Variants in GLYATL2 observed in about 807,000 individuals in gnomAD.
The protein encoded by GLYATL2 is glycine N-acyltransferase-like protein 2.
In GLYATL2, 25 loss-of-function variants were observed where a neutral mutation model predicts 21.4. The ratio of observed to expected loss-of-function variants is 1.17; its 90% CI spans 0.85 to 1.63. GLYATL2 has a LOEUF of 1.63. GLYATL2 is among the 40% of genes most tolerant of loss of function. GLYATL2 has a pLI of 0.00. For missense variants in GLYATL2, 361 were observed against 343.3 expected, an observed-to-expected ratio of 1.05 and a Z score of -0.41; for synonymous variants, 114 against 118.2, an observed-to-expected ratio of 0.96 and a Z score of 0.23.
chr11:58,871,674 A>C (rs1328988958), intron 1 of GLYATL2, among the ~76,000 whole-genome samples: 1 of 152,118 alleles, frequency 6.6e-6, no homozygotes, highest in Non-Finnish European at 1.5e-5. Context: ...TTCTTAATCC[A>C]GTCTATCATT....
At chr11:58,900,040 G>A (rs950534336) in intron 1 of GLYATL2, among the ~76,000 whole-genome samples, 7 of 152,056 alleles carry the variant, frequency 4.6e-5, no homozygotes, top group African/African-American at 9.7e-5. Context: ...GAAACCATGC[G>A]GAGCACCGGA....
At chr11:58,865,290 T>C (rs1325689068) in intron 1 of GLYATL2, among the ~76,000 whole-genome samples, 2 of 149,006 alleles carry the variant, frequency 1.3e-5, no homozygotes, top group African/African-American at 4.8e-5. Flanking sequence ...AGAAATAATA[T>C]GTTGGGCTAG....
chr11:58,851,625 T>C (rs1376398033), intron 1 of GLYATL2, among the ~76,000 whole-genome samples: 8 of 152,184 alleles, frequency 5.3e-5, no homozygotes, highest in Non-Finnish European at 1.0e-4. Flanking sequence ...TTGTATTACA[T>C]AATATTTGGA....
At chr11:58,896,145 G>A (rs1377294406) in intron 1 of GLYATL2, among the ~76,000 whole-genome samples, 2 of 152,034 alleles carry the variant, frequency 1.3e-5, no homozygotes, top group East Asian at 1.9e-4. Flanking sequence ...ATGAGCTACC[G>A]CACCTGGCCT....
intron 1 of GLYATL2, among the ~76,000 whole-genome samples, chr11:58,879,628 C>T (rs536693406): frequency 3.5e-4 from 53 of 152,162 alleles, no homozygotes; most frequent in South Asian, 2.9e-3. Context: ...CTAGAATAGG[C>T]AAATTCCTAG....
intron 1 of GLYATL2, among the ~76,000 whole-genome samples, chr11:58,851,757 A>G (rs868620821): frequency 1.3e-5 from 2 of 152,204 alleles, no homozygotes; most frequent in Non-Finnish European, 2.9e-5. Context: ...AAGATTCATA[A>G]GTAATGTTAA....
intron 1 of GLYATL2, among the ~76,000 whole-genome samples, chr11:58,874,971 T>C (rs1218525235): frequency 6.6e-6 from 1 of 152,234 alleles, no homozygotes; most frequent in Non-Finnish European, 1.5e-5. Flanking sequence ...ATCTGGGTGC[T>C]CCTATATTGG....
chr11:58,838,204 C>T (rs1049839850), intron 3 of GLYATL2, 57 bp downstream of exon 3: 26 of 1,128,636 alleles, frequency 2.3e-5, no homozygotes, highest in Non-Finnish European at 3.3e-5. Flanking sequence ...CCCTCATTGC[C>T]ATGCAGAGAA....
At chr11:58,856,625 T>C (rs1408131813) in intron 1 of GLYATL2, among the ~76,000 whole-genome samples, 2 of 152,098 alleles carry the variant, frequency 1.3e-5, no homozygotes, top group Non-Finnish European at 2.9e-5. Context: ...TAAATGTTGT[T>C]GTGTCTCAGG....
intron 1 of GLYATL2, among the ~76,000 whole-genome samples, chr11:58,860,532 A>G (rs994951261): frequency 6.6e-6 from 1 of 152,120 alleles, no homozygotes; most frequent in Non-Finnish European, 1.5e-5. Flanking sequence ...ATGTAGGACC[A>G]TGCTATATGC....
upstream of GLYATL2, among the ~76,000 whole-genome samples, chr11:58,849,053 G>T (rs1388296115): frequency 6.6e-6 from 1 of 152,148 alleles, no homozygotes; most frequent in African/African-American, 2.4e-5. Context: ...TTAAAGTGCT[G>T]AAGGAAAAAT....
chr11:58,877,175 G>A (rs1590741453), intron 1 of GLYATL2, among the ~76,000 whole-genome samples: 1 of 152,246 alleles, frequency 6.6e-6, no homozygotes, highest in South Asian at 2.1e-4. Context: ...GATTTTCCAG[G>A]TGCCATCTGT....
Position 58,867,846 on chromosome 11 carries a change from A to T in GLYATL2, n.61-29478T>A, listed in dbSNP as rs1010625147. On this transcript the variant is annotated intron_variant and non_coding_transcript_variant, in intron 1 of 4. Transcript: ENST00000533636. ...ATATATCAGAGAAGTGGACTTGGAGAATCCCCTGCTGGAGTCCTGCAGAGT... is the reference window on the plus strand; with the variant it reads ...ATATATCAGAGAAGTGGACTTGGAGTATCCCCTGCTGGAGTCCTGCAGAGT... 6.0e-5 allele frequency among the ~76,000 whole-genome samples: 9 copies of T among 148,896 alleles called. 1 individual carries two copies. The East Asian group carries it at 2.0e-3, about 33-fold the overall frequency.
rs554101652 is a variant in GLYATL2, at chr11:58,888,031, GA to G, written n.60+16124del. 2.4e-4 allele frequency among the ~76,000 whole-genome samples: 37 copies of G among 152,226 alleles called. No individual in the cohort carries two copies. The East Asian group carries it at 7.0e-3, about 29-fold the overall frequency. On this transcript the variant is annotated intron_variant and non_coding_transcript_variant, in intron 1 of 4. Transcript: ENST00000533636. ...TTCAATTTATGCCAAACTGGTGGGT[GA>G]AAGATGGCATCTTATTGTAGATTTA...
intron 1 of GLYATL2, among the ~76,000 whole-genome samples, chr11:58,874,237 C>G (rs1030975031): frequency 6.6e-6 from 1 of 152,092 alleles, no homozygotes; most frequent in East Asian, 1.9e-4. Context: ...TTTCAAAAAA[C>G]CAGCTCCTGG....
upstream of GLYATL2, chr11:58,907,741 T>A (rs1854938867): frequency 4.8e-6 from 1 of 206,340 alleles, no homozygotes; most frequent in African/African-American, 2.3e-5. Flanking sequence ...AATTTTTACA[T>A]TCCTATCAAT....
chr11:58,906,543 G>T (rs1472469743), upstream of GLYATL2, among the ~76,000 whole-genome samples: 1 of 152,140 alleles, frequency 6.6e-6, no homozygotes. Context: ...AAGGATTCCT[G>T]GAAAGAGGTG....
At chr11:58,847,646 T>C (rs189519022), upstream of GLYATL2, among the ~76,000 whole-genome samples, 138 of 152,316 alleles carry the variant, frequency 9.1e-4, 2 homozygotes, top group Non-Finnish European at 1.0e-4. Context: ...CATCTTGTGG[T>C]TTGAACCTCA....
intron 1 of GLYATL2, among the ~76,000 whole-genome samples, chr11:58,874,361 G>A (rs559574419): frequency 6.6e-6 from 1 of 152,214 alleles, no homozygotes; most frequent in African/African-American, 2.4e-5. Flanking sequence ...TGCTTCTCTA[G>A]TTCTTTTAAT....
Sources: allele counts gnomAD v4.1 joint callset (sites outside exome capture counted in the v4.1 genomes callset), GRCh38; gene constraint gnomAD v4.1.1; transcripts MANE v1.5; gene names NCBI Gene and HGNC (gene_info 2026-07-23, HGNC 2026-07-21).